ZNF394: variants seen among roughly 807,000 people sequenced by gnomAD.
The protein encoded by ZNF394 is zinc finger protein 99.
A neutral mutation model predicts 21.8 loss-of-function variants in ZNF394; 19 were observed. The ratio of observed to expected loss-of-function variants is 0.87; its 90% CI spans 0.61 to 1.28. The LOEUF is 1.28. Ranked by LOEUF, ZNF394 falls within the 50% of genes most tolerant of loss-of-function variation. The pLI, the probability that ZNF394 is intolerant of heterozygous loss-of-function variation, is 0.00. For missense variants in ZNF394, 683 were observed against 708.6 expected (o/e 0.96, Z 0.41); for synonymous variants, 294 against 273.3 (o/e 1.08, Z -0.75).
rs200785133 is a variant in ZNF394 at position 99,493,702 on chromosome 7, G to A, written c.1513C>T (p.Arg505Cys). Residue 505 changes from arginine to cysteine, a missense_variant, in exon 3 of 3, where the codon CGC becomes TGC. By Grantham distance (180) the Arg-to-Cys change is radical. Coordinates refer to ENST00000337673, the MANE Select transcript of ZNF394 (RefSeq NM_032164.4). The stretch of plus-strand genomic sequence containing the variant: ...ATGAGGGTTGCACTCTGATTGAAGC[G>A]TTTCCCACAGACGGAACATCCATAG... ...KPYGCSVCGK[R>C]FNQSATLIKH... The A allele has an allele frequency of 1.1e-4, 184 of 1,614,040 alleles. No homozygotes were observed. Among genetic ancestry groups the A allele is most frequent in the Admixed American group, 1.7e-4 (10 of 59,990 alleles).
chr7:99,494,360 T>C lies in ZNF394; in HGVS notation c.855A>G (p.Glu285=), dbSNP rs1800235887. ...TGGAACACCTGGCACTGTTCTGCAA[T>C]TCATTATTTTTAGAGTCTTCCCCTT... The part of the protein sequence containing the change: ...SIEGEDSKNN[E]LQNSARCSNL... The change falls in exon 3 of 3, where the codon GAA becomes GAG. Residue 285 remains glutamate, a synonymous_variant. Transcript: ENST00000337673. 6.2e-7 allele frequency: 1 copy of C among 1,614,064 alleles called. No homozygotes were observed. The highest frequency in any genetic ancestry group is 1.3e-5 in the African/African-American group (1 of 74,922).
chr7:99,487,581 T>G, intron 1 of ZNF394: 1 of 1,448,374 alleles, frequency 6.9e-7, no homozygotes, highest in Non-Finnish European at 9.3e-7. Flanking sequence ...AAGCAATAAA[T>G]GTAACAAAGG....
At chr7:99,498,956 AT>A (rs1800424528) in intron 1 of ZNF394, 114 bp from the exon 2 acceptor site, 10 of 1,386,380 alleles carry the variant, frequency 7.2e-6, no homozygotes, top group Non-Finnish European at 7.7e-6. Flanking sequence ...AGAGGCTGAC[AT>A]TCTCTTGTAA....
Position 99,499,877 on chromosome 7 carries a change from G to A in ZNF394, c.217C>T (p.Gln73Ter). The A allele has an allele frequency of 1.2e-6, 2 of 1,614,166 alleles. No homozygotes were observed. Among genetic ancestry groups the A allele is most frequent in the East Asian group, 4.5e-5 (2 of 44,878 alleles). The change falls in exon 1 of 3, where the codon CAG becomes TAG. Residue 73 changes from glutamine (Q) to a stop codon, truncating the protein, a stop_gained. Transcript: ENST00000337673. LOFTEE classifies it high-confidence loss of function. ...SRLHFRQLRY[Q>*]EVAGPEEALS... ...GCCTCTTCCGGTCCAGCCACCTCCT[G>A]GTAACGCAGCTGCCTAAAGTGCAGT...
chr7:99,494,665 A>G, intron 2 of ZNF394, 34 bp from the exon 3 acceptor site: 1 of 1,539,272 alleles, frequency 6.5e-7, no homozygotes, highest in Non-Finnish European at 8.7e-7. Flanking sequence ...CTGCCAGTGC[A>G]TCCCTGTGCA....
In ZNF394 at chr7:99,487,553, C is replaced by T. The variant is rs189879181; in HGVS notation, n.84-590G>A. The T allele has an allele frequency of 2.9e-4, 433 of 1,512,224 alleles. 4 individuals are homozygous for T. Among genetic ancestry groups the T allele is most frequent in the Non-Finnish European group, 5.6e-5 (63 of 1,125,390 alleles). The allele number at this position is 1,512,224 out of a possible 1,614,324, so 93.7% of individuals were successfully genotyped here. A position where few individuals can be genotyped will look rare whatever the true frequency, so the allele number is the denominator to read the frequency against. ...AAACCTCTACTTCAAGTGTGTATCA[C>T]GTAATTGTTTCCATGAAAAGCAATA... On this transcript the variant is annotated intron_variant and non_coding_transcript_variant, in intron 1 of 1. Coordinates refer to the ZNF394 transcript ENST00000462024.
Position 99,493,771 on chromosome 7 carries a change from A to G in ZNF394, c.1444T>C (p.Ser482Pro). 1 of 1,614,152 alleles carries G rather than the reference A, an allele frequency of 6.2e-7. No homozygotes were observed. Among genetic ancestry groups the G allele is most frequent in the South Asian group, 1.1e-5 (1 of 91,080 alleles). Residue 482 changes from serine to proline, a missense_variant, in exon 3 of 3, where the codon TCT (serine) becomes CCT (proline). By Grantham distance (74) the Ser-to-Pro change is moderately conservative. Coordinates refer to ENST00000337673, the MANE Select transcript of ZNF394 (RefSeq NM_032164.4). Reference sequence around the variant, plus strand: ...ATTCTGTGGTGTTTAAAGAGGTCAGAGCGCTGTTTGAAGCTCTTCTCGCAT... The same window carrying G: ...ATTCTGTGGTGTTTAAAGAGGTCAGGGCGCTGTTTGAAGCTCTTCTCGCAT... ...EECEKSFKQR[S>P]DLFKHHRIHT...
chr7:99,486,849 G>A, exon 2 of ZNF394: 1 of 1,614,154 alleles, frequency 6.2e-7, no homozygotes, highest in Non-Finnish European at 8.5e-7. Flanking sequence ...TTAGGCGTAA[G>A]GCATGGTTTG....
Position 99,494,461 on chromosome 7 carries a change from G to A in ZNF394, c.754C>T (p.Pro252Ser), listed in dbSNP as rs1800240318. 1.2e-6 allele frequency: 2 copies of A among 1,614,050 alleles called. No individual in the cohort carries two copies. The highest frequency in any genetic ancestry group is 1.1e-5 in the South Asian group (1 of 91,080). Residue 252 changes from proline to serine, a missense_variant, in exon 3 of 3, where the codon CCC (proline) becomes TCC (serine). Physicochemically the swap from Pro to Ser is moderately conservative, Grantham distance 74 (BLOSUM62 -1). This residue lies in a region of ZNF394 where 402 missense variants were observed against 373.8 expected (regional missense o/e 1.08). Coordinates refer to ENST00000337673, the MANE Select transcript of ZNF394 (RefSeq NM_032164.4). ...RVEKQSGDPL[P>S]LKLENSPEAE... ...TCAGGAGAATTTTCAAGTTTCAGGG[G>A]CAAGGGGTCTCCGGACTGCTTTTCC...
chr7:99,495,282 C>A (rs1800268240), intron 2 of ZNF394, among the ~76,000 whole-genome samples: 1 of 152,146 alleles, frequency 6.6e-6, no homozygotes, highest in East Asian at 1.9e-4. Context: ...TCTGGGATTA[C>A]AGGCGTGAGC....
intron 2 of ZNF394, chr7:99,498,374 G>A (rs1028657732): frequency 3.1e-5 from 7 of 223,646 alleles, no homozygotes. Context: ...GAGGGGAAGG[G>A]TTTCAGGGAG....
intron 1 of ZNF394, chr7:99,487,469 A>G: frequency 6.2e-7 from 1 of 1,612,356 alleles, no homozygotes; most frequent in Non-Finnish European, 8.5e-7. Context: ...GGCACTCACA[A>G]AGGACAGATA....
At chr7:99,487,615 G>T in intron 1 of ZNF394, 2 of 1,109,318 alleles carry the variant, frequency 1.8e-6, no homozygotes, top group South Asian at 3.2e-5. Context: ...AGCCATCTTT[G>T]TGTAGCCAAT....
rs866604275 is a variant in ZNF394, at chr7:99,494,077, G to A, written c.1138C>T (p.His380Tyr). ...RSDLFRHQRI[H>Y]TGEKPYGCQE... ...CAGCCATAGGGTTTCTCACCTGTGT[G>A]GATTCTCTGGTGTCTAAAGAGGTCA... Residue 380 changes from histidine to tyrosine, a missense_variant, in exon 3 of 3, where the codon CAC becomes TAC. Physicochemically the swap from His to Tyr is moderately conservative, Grantham distance 83. Transcript: ENST00000337673. The A allele has an allele frequency of 1.2e-6, 2 of 1,613,840 alleles. No individual in the cohort carries two copies. Among genetic ancestry groups the A allele is most frequent in the East Asian group, 4.5e-5 (2 of 44,880 alleles).
At chr7:99,491,584 T>C (rs1800160057), downstream of ZNF394, among the ~76,000 whole-genome samples, 1 of 151,834 alleles carries the variant, frequency 6.6e-6, no homozygotes. Flanking sequence ...GACACCATCT[T>C]GGCCAACATG....
chr7:99,499,008 G>T (rs1037776794), intron 1 of ZNF394, among the ~76,000 whole-genome samples, 166 bp from the exon 2 acceptor site: 15 of 152,292 alleles, frequency 9.8e-5, no homozygotes, highest in Non-Finnish European at 1.8e-4. Flanking sequence ...ACTAATTTTG[G>T]AGGTAGGTAG....
chr7:99,493,982 C>A lies in ZNF394; in HGVS notation c.1233G>T (p.Glu411Asp). 1 of 1,614,196 alleles carries A rather than the reference C, an allele frequency of 6.2e-7. No individual in the cohort carries two copies. Among genetic ancestry groups the A allele is most frequent in the Non-Finnish European group, 8.5e-7 (1 of 1,180,042 alleles). Residue 411 changes from glutamate to aspartate, a missense_variant, in exon 3 of 3, where the codon GAG becomes GAT. Coordinates refer to ENST00000337673, the MANE Select transcript of ZNF394 (RefSeq NM_032164.4). ...LTKHQRTHTG[E>D]KPYTCLKCGE... ...CACATTTCAGACAGGTGTACGGCTT[C>A]TCGCCTGTGTGTGTCCTCTGGTGCT...
At chr7:99,490,610 C>T (rs1462117888), downstream of ZNF394, among the ~76,000 whole-genome samples, 5 of 146,176 alleles carry the variant, frequency 3.4e-5, no homozygotes, top group Non-Finnish European at 4.5e-5. Flanking sequence ...CCAGACTGGG[C>T]GACAAAGTGA....
chr7:99,496,386 CTT>C (rs1320380410), intron 2 of ZNF394, among the ~76,000 whole-genome samples: 1 of 151,820 alleles, frequency 6.6e-6, no homozygotes, highest in Non-Finnish European at 1.5e-5. Context: ...AGCCCTGAAA[CTT>C]TGCTTCCTAC....
Sources: gnomAD v4.1 joint callset for allele counts (sites outside exome capture counted in the v4.1 genomes callset) on GRCh38, gnomAD v4.1.1 for gene constraint, gnomAD v4.1.1 regional missense constraint, MANE v1.5 for transcripts, NCBI Gene and HGNC (gene_info 2026-07-23, HGNC 2026-07-21) for gene names.